Variants in SPATS2L observed in about 807,000 individuals in gnomAD.
SPATS2L encodes the protein SPATS2-like protein.
A neutral mutation model predicts 59.6 loss-of-function variants in SPATS2L; 30 were observed. The ratio of observed to expected loss-of-function variants is 0.50; its 90% CI spans 0.38 to 0.68. The LOEUF (loss-of-function observed/expected upper bound fraction) is 0.68, where lower values mean the gene tolerates loss of function less well. Ranked by LOEUF, SPATS2L falls within the 30% of genes least tolerant of loss-of-function variation. The pLI, the probability that SPATS2L is intolerant of heterozygous loss-of-function variation, is 0.00. For missense variants in SPATS2L, 615 were observed against 700.0 expected, an observed-to-expected ratio of 0.88 and a Z score of 1.37; for synonymous variants, 252 against 263.5, an observed-to-expected ratio of 0.96 and a Z score of 0.42.
chr2:200,315,136 C>T (rs1019594101), intron 1 of SPATS2L, among the ~76,000 whole-genome samples: 2 of 152,182 alleles, frequency 1.3e-5, no homozygotes, highest in African/African-American at 4.8e-5. Context: ...ACGAGCCAAG[C>T]CCACGAGCTT....
intron 10 of SPATS2L, 90 bp downstream of exon 10, chr2:200,467,489 A>T: frequency 2.3e-6 from 2 of 860,268 alleles, no homozygotes; most frequent in Non-Finnish European, 3.8e-6. Flanking sequence ...CTGCTCTCTG[A>T]GGATCTAACA....
intron 6 of SPATS2L, among the ~76,000 whole-genome samples, chr2:200,433,151 A>G (rs2084050794): frequency 6.6e-6 from 1 of 152,214 alleles, no homozygotes; most frequent in Admixed American, 6.5e-5. Context: ...CTCTAAATGT[A>G]TGTGCATCTA....
At chr2:200,399,273 A>C (rs369726149) in intron 3 of SPATS2L, among the ~76,000 whole-genome samples, 1 of 152,034 alleles carries the variant, frequency 6.6e-6, no homozygotes. Flanking sequence ...CCCTGCTTCT[A>C]TGAGTTTGAC....
chr2:200,333,005 G>A (rs768911815), intron 2 of SPATS2L, among the ~76,000 whole-genome samples: 3 of 152,116 alleles, frequency 2.0e-5, no homozygotes, highest in Non-Finnish European at 2.9e-5. Flanking sequence ...TATGGCCTGG[G>A]TTTGTTAGCT....
intron 3 of SPATS2L, 36 bp from the exon 4 acceptor site, chr2:200,412,275 C>A: frequency 8.1e-7 from 1 of 1,237,818 alleles, no homozygotes; most frequent in South Asian, 1.5e-5. Context: ...TTAAAGTGTT[C>A]ACATTTCTAT....
intron 2 of SPATS2L, among the ~76,000 whole-genome samples, chr2:200,334,729 A>T (rs2080080992): frequency 6.6e-6 from 1 of 152,020 alleles, no homozygotes; most frequent in African/African-American, 2.4e-5. Context: ...CTTTCTACAT[A>T]TGGCTAGCCA....
chr2:200,378,467 T>A (rs547555745), intron 2 of SPATS2L: 1 of 879,508 alleles, frequency 1.1e-6, no homozygotes, highest in Non-Finnish European at 1.4e-6. Context: ...CAACTGGAAG[T>A]CCAAGCCCTG....
chr2:200,401,763 A>C (rs1461855989), intron 3 of SPATS2L, among the ~76,000 whole-genome samples: 3 of 152,104 alleles, frequency 2.0e-5, no homozygotes, highest in Non-Finnish European at 4.4e-5. Context: ...GCTCAGGTTT[A>C]GCTATGTTTT....
chr2:200,457,697 A>G (rs2085946809), intron 8 of SPATS2L, among the ~76,000 whole-genome samples: 1 of 152,258 alleles, frequency 6.6e-6, no homozygotes, highest in African/African-American at 2.4e-5. Context: ...CATGCCATGC[A>G]CTGTGCAATT....
chr2:200,307,574 CG>C (rs1240782751), intron 1 of SPATS2L, among the ~76,000 whole-genome samples: 1 of 152,160 alleles, frequency 6.6e-6, no homozygotes, highest in South Asian at 2.1e-4. Flanking sequence ...CGCATTTGGG[CG>C]GGGGGACCCC....
At chr2:200,474,569 C>T (rs2087355022) in intron 12 of SPATS2L, among the ~76,000 whole-genome samples, 1 of 152,162 alleles carries the variant, frequency 6.6e-6, no homozygotes. Flanking sequence ...TCCCAAAGTG[C>T]TGAGATTACA....
At chr2:200,449,364 C>T (rs1302796496) in intron 8 of SPATS2L, among the ~76,000 whole-genome samples, 6 of 152,250 alleles carry the variant, frequency 3.9e-5, no homozygotes, top group Admixed American at 1.3e-4. Context: ...CTGAGCTACA[C>T]GTGTGGATTA....
At chr2:200,364,911 C>T (rs192738238) in intron 2 of SPATS2L, among the ~76,000 whole-genome samples, 103 of 152,248 alleles carry the variant, frequency 6.8e-4, no homozygotes, top group Non-Finnish European at 1.1e-3. Flanking sequence ...GAATAAACTC[C>T]GTGTATTGTT....
chr2:200,479,920 C>CAGGA lies in SPATS2L; in HGVS notation c.*1900_*1903dup. 2 of 396,112 alleles carry CAGGA rather than the reference C, an allele frequency of 5.0e-6. No individual in the cohort carries two copies. Among genetic ancestry groups the CAGGA allele is most frequent in the Non-Finnish European group, 8.9e-6 (2 of 225,148 alleles). 24.5% of individuals were successfully genotyped at this position (396,112 alleles called of 1,614,324 possible). ...AAATTCTTAACGTTAAGTCACATTC[C>CAGGA]AGGAAGGAAGGAAGAGTTGTTCGTT... On this transcript the variant is annotated 3_prime_UTR_variant, in exon 13 of 13. Transcript: ENST00000409140.
intron 2 of SPATS2L, among the ~76,000 whole-genome samples, chr2:200,346,108 A>G (rs528068680): frequency 6.6e-6 from 1 of 152,320 alleles, no homozygotes; most frequent in East Asian, 1.9e-4. Flanking sequence ...CAGATGTCAT[A>G]GTATTACAAC....
chr2:200,417,653 T>C (rs896384419), intron 5 of SPATS2L, among the ~76,000 whole-genome samples: 6 of 152,112 alleles, frequency 3.9e-5, no homozygotes, highest in Non-Finnish European at 7.3e-5. Flanking sequence ...GCTGTGGGTG[T>C]TTTGTGGGAA....
At chr2:200,449,365 G>A (rs953516915) in intron 8 of SPATS2L, among the ~76,000 whole-genome samples, 1 of 152,216 alleles carries the variant, frequency 6.6e-6, no homozygotes, top group Non-Finnish European at 1.5e-5. Context: ...TGAGCTACAC[G>A]TGTGGATTAC....
At chr2:200,368,419 T>C (rs1574509423) in intron 2 of SPATS2L, among the ~76,000 whole-genome samples, 1 of 152,188 alleles carries the variant, frequency 6.6e-6, no homozygotes, top group South Asian at 2.1e-4. Context: ...GTCTTATTCA[T>C]GTTTAAATGA....
At chr2:200,312,556 C>A (rs1211573984) in intron 1 of SPATS2L, among the ~76,000 whole-genome samples, 1 of 152,152 alleles carries the variant, frequency 6.6e-6, no homozygotes, top group Non-Finnish European at 1.5e-5. Context: ...ATCGCCTATA[C>A]CAGGCAATAT....
Sources: gnomAD v4.1 joint callset for allele counts (sites outside exome capture counted in the v4.1 genomes callset) on GRCh38, gnomAD v4.1.1 for gene constraint, MANE v1.5 for transcripts, NCBI Gene and HGNC (gene_info 2026-07-23, HGNC 2026-07-21) for gene names.